TBCEL: variants seen among roughly 807,000 people sequenced by gnomAD.
TBCEL encodes the protein tubulin-specific chaperone cofactor E-like protein.
A neutral mutation model predicts 44.2 loss-of-function variants in TBCEL; 15 were observed. The ratio of observed to expected loss-of-function variants is 0.34; its 90% CI spans 0.23 to 0.52. The LOEUF is 0.52. Among genes scored for constraint, TBCEL ranks in the 20% least tolerant of loss-of-function variants. The probability of loss-of-function intolerance (pLI) is 0.95; values close to 1 mark genes in which losing one functional copy is unlikely to be tolerated. For missense variants in TBCEL, 319 were observed against 506.3 expected (o/e 0.63, Z 3.55); for synonymous variants, 171 against 185.4 (o/e 0.92, Z 0.63).
chr11:121,069,273 C>T (rs1470424913), intron 8 of TBCEL, among the ~76,000 whole-genome samples: 1 of 152,120 alleles, frequency 6.6e-6, no homozygotes, highest in Admixed American at 6.5e-5. Flanking sequence ...AGTATAGCAA[C>T]TGTTCAGTAA....
chr11:121,055,353 G>T, intron 6 of TBCEL, 45 bp downstream of exon 6: 1 of 1,479,150 alleles, frequency 6.8e-7, no homozygotes, highest in African/African-American at 1.4e-5. Flanking sequence ...ATTAACCTGA[G>T]CATATGCATG....
intron 4 of TBCEL, among the ~76,000 whole-genome samples, chr11:121,052,765 C>T (rs776038119): frequency 6.6e-6 from 1 of 151,738 alleles, no homozygotes; most frequent in Non-Finnish European, 1.5e-5. Context: ...AACTGTAAGG[C>T]CTTAGTCAAA....
chr11:121,054,401 A>T (rs1945583440), intron 5 of TBCEL, among the ~76,000 whole-genome samples: 1 of 151,770 alleles, frequency 6.6e-6, no homozygotes, highest in African/African-American at 2.4e-5. Flanking sequence ...TGGTTTCCTC[A>T]CTGCACCCAA....
At chr11:121,070,119 C>T (rs1945900186) in intron 8 of TBCEL, among the ~76,000 whole-genome samples, 1 of 152,082 alleles carries the variant, frequency 6.6e-6, no homozygotes, top group Admixed American at 6.6e-5. Context: ...TCATCACTGG[C>T]CATCAGAGAA....
At position 121,053,565 on chromosome 11, in the gene TBCEL, G is replaced by A. The variant is rs1945567167; in HGVS notation, c.288G>A (p.Val96=). The change falls in exon 5 of 9, where the codon GTG becomes GTA. Residue 96 remains valine (V), a synonymous_variant. Transcript: ENST00000683345. ...TTTCTCCTTAGGTCAGTAAAATTGTGTCAAATGTTCCTCAGTTGGAGTTTC... is the reference window on the plus strand; with the variant it reads ...TTTCTCCTTAGGTCAGTAAAATTGTATCAAATGTTCCTCAGTTGGAGTTTC... ...LEDWHEVSKI[V]SNVPQLEFLN... 1 of 1,611,898 alleles carries A rather than the reference G, an allele frequency of 6.2e-7. No homozygotes were observed.
rs1946233080 is a variant in TBCEL at position 121,087,240 on chromosome 11, C to T, written c.*144C>T. 2 of 892,908 alleles carry T rather than the reference C, an allele frequency of 2.2e-6. No individual in the cohort carries two copies. Among genetic ancestry groups the T allele is most frequent in the African/African-American group, 3.4e-5 (2 of 58,994 alleles). 55.3% of individuals were successfully genotyped at this position (892,908 alleles called of 1,614,324 possible). On this transcript the variant is annotated 3_prime_UTR_variant, in exon 9 of 9. Transcript: ENST00000683345. ...TGGGAAGGATTTTGTATATTTTTCCCCCTGGAGTGAGTAGGGGCCATTTTT... is the reference window on the plus strand; with the variant it reads ...TGGGAAGGATTTTGTATATTTTTCCTCCTGGAGTGAGTAGGGGCCATTTTT...
At chr11:121,027,572 C>G (rs1198578327) in intron 1 of TBCEL, among the ~76,000 whole-genome samples, 1 of 152,154 alleles carries the variant, frequency 6.6e-6, no homozygotes, top group Non-Finnish European at 1.5e-5. Flanking sequence ...TGCAGTTCCT[C>G]TACCTGCCAA....
chr11:121,049,044 A>G (rs1213619589), intron 4 of TBCEL, among the ~76,000 whole-genome samples: 1 of 151,932 alleles, frequency 6.6e-6, no homozygotes, highest in Non-Finnish European at 1.5e-5. Context: ...TGCTTACTTG[A>G]CAGTTTTCCT....
At chr11:121,065,593 A>T (rs865803103) in intron 8 of TBCEL, among the ~76,000 whole-genome samples, 3 of 150,800 alleles carry the variant, frequency 2.0e-5, no homozygotes, top group Non-Finnish European at 4.4e-5. Flanking sequence ...TTTGTAAGAG[A>T]AAAAAGATCA....
chr11:121,038,310 G>A (rs894174313), intron 2 of TBCEL, among the ~76,000 whole-genome samples: 6 of 152,212 alleles, frequency 3.9e-5, no homozygotes, highest in Admixed American at 3.3e-4. Flanking sequence ...AAGCTCGTTA[G>A]TAGACCTTTA....
intron 2 of TBCEL, among the ~76,000 whole-genome samples, chr11:121,041,626 A>AC (rs914998967): frequency 6.6e-6 from 1 of 150,850 alleles, no homozygotes; most frequent in South Asian, 2.1e-4. Context: ...TTACCCTCCC[A>AC]CCCCCCAAAA....
chr11:121,044,840 C>T (rs1461161245), intron 2 of TBCEL, among the ~76,000 whole-genome samples: 1 of 152,050 alleles, frequency 6.6e-6, no homozygotes, highest in Non-Finnish European at 1.5e-5. Flanking sequence ...AAAGAGATGA[C>T]ATTTTGTATT....
intron 4 of TBCEL, among the ~76,000 whole-genome samples, chr11:121,053,088 ATT>A (rs1486594382): frequency 6.6e-6 from 1 of 151,892 alleles, no homozygotes; most frequent in Admixed American, 6.6e-5. Context: ...ATGTAGTCAA[ATT>A]TAACACATGA....
At chr11:121,081,066 A>G (rs992022645) in intron 8 of TBCEL, among the ~76,000 whole-genome samples, 3 of 152,104 alleles carry the variant, frequency 2.0e-5, no homozygotes, top group Admixed American at 6.6e-5. Context: ...TTATGATTCA[A>G]AGACCCCTAA....
intron 8 of TBCEL, among the ~76,000 whole-genome samples, chr11:121,064,830 AT>A (rs931990555): frequency 1.6e-4 from 24 of 151,224 alleles, no homozygotes; most frequent in Admixed American, 1.3e-3. Context: ...TTTCTTTTTA[AT>A]TTTTTTTTCT....
At chr11:121,049,682 G>A (rs531423597) in intron 4 of TBCEL, among the ~76,000 whole-genome samples, 13 of 151,792 alleles carry the variant, frequency 8.6e-5, no homozygotes, top group Non-Finnish European at 1.5e-5. Flanking sequence ...CTTCAAATTT[G>A]TTTCTTTGGA....
chr11:121,063,525 C>T (rs1055227132), intron 8 of TBCEL, among the ~76,000 whole-genome samples: 2 of 151,970 alleles, frequency 1.3e-5, no homozygotes, highest in Non-Finnish European at 2.9e-5. Context: ...ATCTATTGAT[C>T]CAGTTGTAAA....
intron 4 of TBCEL, among the ~76,000 whole-genome samples, chr11:121,051,246 A>G (rs921846657): frequency 2.6e-5 from 4 of 151,794 alleles, no homozygotes; most frequent in Admixed American, 6.6e-5. Context: ...TGGTGATTAC[A>G]TCATATATCT....
intron 8 of TBCEL, among the ~76,000 whole-genome samples, chr11:121,073,937 T>C (rs1457804728): frequency 5.3e-5 from 8 of 151,990 alleles, no homozygotes; most frequent in Non-Finnish European, 8.8e-5. Flanking sequence ...TTTTTAAACA[T>C]GTAGAATTTA....
Sources: allele counts gnomAD v4.1 joint callset (sites outside exome capture counted in the v4.1 genomes callset), GRCh38; gene constraint gnomAD v4.1.1; transcripts MANE v1.5; gene names NCBI Gene and HGNC (gene_info 2026-07-23, HGNC 2026-07-21).